LRP1B: variants seen among roughly 807,000 people sequenced by gnomAD.
LRP1B encodes LDL receptor related protein 1B.
In LRP1B, 217 loss-of-function variants were observed where a neutral mutation model predicts 556.6. That is an observed-to-expected ratio of 0.39 (90% CI 0.35 to 0.44). The LOEUF (loss-of-function observed/expected upper bound fraction) is 0.44, where lower values mean the gene tolerates loss of function less well. LRP1B is among the 20% of genes least tolerant of loss of function. The pLI is 1.00. For missense variants in LRP1B, 5,053 were observed against 5,620.8 expected (o/e 0.90, Z 3.23); for synonymous variants, 2,047 against 1,865.8 (o/e 1.10, Z -2.50).
chr2:140,261,586 T>TAACACCGTTG (rs1681941681), intron 86 of LRP1B, among the ~76,000 whole-genome samples: 1 of 151,866 alleles, frequency 6.6e-6, no homozygotes, highest in African/African-American at 2.4e-5. Flanking sequence ...ACCTAATTAT[T>TAACACCGTTG]AACACCGTTG....
intron 15 of LRP1B, among the ~76,000 whole-genome samples, chr2:140,998,853 G>A (rs777150755): frequency 6.6e-6 from 1 of 152,012 alleles, no homozygotes; most frequent in South Asian, 2.1e-4. Context: ...TGTCACAATG[G>A]CTGCAACTTT....
chr2:140,921,895 G>T (rs917398170), intron 21 of LRP1B, among the ~76,000 whole-genome samples: 1 of 146,024 alleles, frequency 6.8e-6, no homozygotes, highest in Non-Finnish European at 1.5e-5. Context: ...GGCTTTCACA[G>T]TGTTTTCTTA....
At chr2:140,791,363 A>T (rs1378217655) in intron 32 of LRP1B, among the ~76,000 whole-genome samples, 1 of 152,086 alleles carries the variant, frequency 6.6e-6, no homozygotes, top group Non-Finnish European at 1.5e-5. Context: ...CAGGGTGTTG[A>T]GGTTGCAGTG....
chr2:141,213,361 G>A (rs571703489), intron 6 of LRP1B, among the ~76,000 whole-genome samples: 2 of 152,200 alleles, frequency 1.3e-5, no homozygotes, highest in South Asian at 4.1e-4. Flanking sequence ...TAATTATTCA[G>A]GTTCTGGTGG....
intron 66 of LRP1B, 101 bp downstream of exon 66, chr2:140,442,403 C>A: frequency 2.1e-6 from 3 of 1,441,160 alleles, no homozygotes; most frequent in Non-Finnish European, 2.8e-6. Context: ...TCAGGTAAGA[C>A]CTTAGCTTCA....
chr2:140,420,603 C>A (rs1291342153), intron 66 of LRP1B, among the ~76,000 whole-genome samples: 1 of 152,140 alleles, frequency 6.6e-6, no homozygotes, highest in Non-Finnish European at 1.5e-5. Flanking sequence ...CTTAAATAAA[C>A]TCAAATGATC....
chr2:140,880,686 G>C (rs993056614), intron 25 of LRP1B, among the ~76,000 whole-genome samples: 1 of 152,110 alleles, frequency 6.6e-6, no homozygotes, highest in Non-Finnish European at 1.5e-5. Flanking sequence ...GCTAGTGTTA[G>C]GGCCTGTTTG....
At chr2:140,549,042 T>C (rs977068621) in intron 43 of LRP1B, among the ~76,000 whole-genome samples, 5 of 152,194 alleles carry the variant, frequency 3.3e-5, no homozygotes, top group African/African-American at 4.8e-5. Flanking sequence ...CTAAATTAAC[T>C]GCTAATTACC....
chr2:140,787,136 C>T (rs981285339), intron 32 of LRP1B, among the ~76,000 whole-genome samples: 3 of 152,220 alleles, frequency 2.0e-5, no homozygotes, highest in African/African-American at 7.2e-5. Context: ...AAATATCCAT[C>T]TTAAATCACA....
chr2:140,979,504 GT>G (rs1265499939), intron 18 of LRP1B, among the ~76,000 whole-genome samples: 6 of 152,040 alleles, frequency 3.9e-5, no homozygotes, highest in African/African-American at 1.4e-4. Flanking sequence ...ACATACTAGT[GT>G]GTTACTGCAT....
At chr2:141,725,553 G>A (rs77883078) in intron 2 of LRP1B, among the ~76,000 whole-genome samples, 7,248 of 151,848 alleles carry the variant, frequency 0.048, 217 homozygotes, top group South Asian at 0.1. Flanking sequence ...TTTATTAGTC[G>A]TTGTGGGTAT....
chr2:140,268,403 G>A lies in LRP1B; in HGVS notation c.13247+1839C>T, dbSNP rs529865287. 7.0e-4 allele frequency among the ~76,000 whole-genome samples: 107 copies of A among 152,018 alleles called. 1 individual carries two copies. In the South Asian group the frequency reaches 0.022, roughly 31 times the overall value. ...TCACAACAAAACTCCTTCAGCTCAA[G>A]CCTCTGCCTCAAGTCTCAGCAACTC... On this transcript the variant is annotated intron_variant, in intron 86 of 90. Coordinates refer to ENST00000389484, the MANE Select transcript of LRP1B (RefSeq NM_018557.3).
chr2:140,716,224 C>T, intron 36 of LRP1B, 122 bp from the exon 37 acceptor site: 1 of 662,082 alleles, frequency 1.5e-6, no homozygotes, highest in African/African-American at 1.8e-5. Context: ...TTCCTACATT[C>T]TTTTTAAATG....
At chr2:140,364,434 T>A (rs992171280) in intron 72 of LRP1B, among the ~76,000 whole-genome samples, 1 of 151,670 alleles carries the variant, frequency 6.6e-6, no homozygotes, top group Non-Finnish European at 1.5e-5. Flanking sequence ...TTCTGAATAG[T>A]GTTGACATGT....
At chr2:141,266,241 G>T (rs751688436) in intron 3 of LRP1B, among the ~76,000 whole-genome samples, 1 of 150,548 alleles carries the variant, frequency 6.6e-6, no homozygotes, top group Admixed American at 6.7e-5. Flanking sequence ...GAAGAATGGC[G>T]TGAACCCGGG....
intron 25 of LRP1B, among the ~76,000 whole-genome samples, chr2:140,876,783 A>G (rs1693320730): frequency 6.6e-6 from 1 of 152,152 alleles, no homozygotes; most frequent in Non-Finnish European, 1.5e-5. Flanking sequence ...ATCAAAGCCA[A>G]TTTAAAAGCC....
intron 2 of LRP1B, among the ~76,000 whole-genome samples, chr2:141,733,927 C>T (rs925278598): frequency 6.6e-6 from 1 of 151,962 alleles, no homozygotes; most frequent in Non-Finnish European, 1.5e-5. Flanking sequence ...TGTTTAATTG[C>T]ACTTATTACT....
At chr2:141,753,558 C>G (rs375234723) in intron 2 of LRP1B, among the ~76,000 whole-genome samples, 1 of 151,872 alleles carries the variant, frequency 6.6e-6, no homozygotes, top group African/African-American at 2.4e-5. Flanking sequence ...TTTCTTTGTA[C>G]GAATGGAATG....
chr2:142,110,695 T>A (rs527500054), intron 1 of LRP1B, among the ~76,000 whole-genome samples: 33 of 152,296 alleles, frequency 2.2e-4, no homozygotes, highest in Admixed American at 9.2e-4. Flanking sequence ...CAATTGTTAA[T>A]GATTTCTTTT....
Sources: gnomAD v4.1 joint callset for allele counts (sites outside exome capture counted in the v4.1 genomes callset) on GRCh38, gnomAD v4.1.1 for gene constraint, MANE v1.5 for transcripts, NCBI Gene and HGNC (gene_info 2026-07-23, HGNC 2026-07-21) for gene names.